The following KIAA1217 variants were observed in gnomAD, a reference collection of about 807,000 sequenced individuals.
KIAA1217 encodes sickle tail protein homolog.
In KIAA1217, 88 loss-of-function variants were observed where a neutral mutation model predicts 163.9. The observed-to-expected ratio is 0.54, with a 90% CI of 0.45 to 0.64. The LOEUF is 0.64. Ranked by LOEUF, KIAA1217 falls within the 30% of genes least tolerant of loss-of-function variation. The pLI is 0.00. For synonymous variants in KIAA1217, 903 were observed against 923.1 expected (o/e 0.98, Z 0.39); for missense variants, 2,372 against 2,475.0 (o/e 0.96, Z 0.88).
At chr10:23,978,911 G>A (rs1845650504) in intron 1 of KIAA1217, among the ~76,000 whole-genome samples, 1 of 152,126 alleles carries the variant, frequency 6.6e-6, no homozygotes, top group Non-Finnish European at 1.5e-5. Flanking sequence ...TGGTGGCTCT[G>A]TCGGTTATGG....
At chr10:24,399,665 A>G (rs2056285056) in intron 3 of KIAA1217, among the ~76,000 whole-genome samples, 2 of 152,196 alleles carry the variant, frequency 1.3e-5, no homozygotes, top group South Asian at 4.1e-4. Context: ...GTATTCCAGC[A>G]TGGAGAGAGT....
chr10:24,047,604 C>T (rs1589292675), intron 2 of KIAA1217, among the ~76,000 whole-genome samples: 1 of 152,136 alleles, frequency 6.6e-6, no homozygotes, highest in Non-Finnish European at 1.5e-5. Context: ...TGTACCCATA[C>T]CAGGAAAACT....
At chr10:23,719,401 C>T (rs1237581397) in intron 1 of KIAA1217, among the ~76,000 whole-genome samples, 7 of 152,074 alleles carry the variant, frequency 4.6e-5, no homozygotes, top group Admixed American at 2.0e-4. Flanking sequence ...GGCAACATAG[C>T]GACACGCTAT....
chr10:24,006,109 T>C (rs1305933150), intron 1 of KIAA1217, among the ~76,000 whole-genome samples: 1 of 152,178 alleles, frequency 6.6e-6, no homozygotes, highest in African/African-American at 2.4e-5. Flanking sequence ...AGTATGACAA[T>C]ATTCATAACT....
intron 1 of KIAA1217, among the ~76,000 whole-genome samples, chr10:23,835,490 A>C (rs1036388515): frequency 1.1e-4 from 17 of 152,126 alleles, no homozygotes; most frequent in Admixed American, 8.5e-4. Context: ...CTGTGACCTG[A>C]GGCATTGATG....
chr10:24,236,393 G>A (rs1173237837), intron 2 of KIAA1217, among the ~76,000 whole-genome samples: 1 of 152,094 alleles, frequency 6.6e-6, no homozygotes, highest in Non-Finnish European at 1.5e-5. Context: ...TGGGAATAAA[G>A]GCATGTGCCA....
chr10:23,765,187 CTTT>C (rs67342339), intron 1 of KIAA1217, among the ~76,000 whole-genome samples: 29 of 75,360 alleles, frequency 3.8e-4, no homozygotes, highest in African/African-American at 1.5e-3. Flanking sequence ...TTTTTGTTCT[CTTT>C]TTTTTTTTTT....
rs1491275019 is a variant in KIAA1217, at chr10:23,817,959, GCA to G, written c.-321+122728_-321+122729del. Among the ~76,000 whole-genome samples the G allele has an allele frequency of 4.9e-5, 3 of 61,000 alleles. No individual in the cohort carries two copies. In the East Asian group the frequency reaches 1.6e-3, roughly 32 times the overall value. 40.0% of individuals were successfully genotyped at this position (61,000 alleles called of 152,430 possible). ...TAAAAAATTATAGCTTGGTGTGGTG[GCA>G]CATATATATATATATATATATATAT... is the stretch of plus-strand genomic sequence containing the variant. On this transcript the variant is annotated intron_variant, in intron 1 of 18. Transcript: ENST00000376462.
chr10:24,416,607 A>G (rs2058271413), intron 3 of KIAA1217, among the ~76,000 whole-genome samples: 1 of 152,164 alleles, frequency 6.6e-6, no homozygotes, highest in South Asian at 2.1e-4. Flanking sequence ...ACTTTGACAA[A>G]TTTACCTTCA....
chr10:24,254,480 C>T (rs961601314), intron 2 of KIAA1217, among the ~76,000 whole-genome samples: 1 of 152,170 alleles, frequency 6.6e-6, no homozygotes, highest in Admixed American at 6.5e-5. Context: ...GGGTTGGGGG[C>T]TGCAGGCCAT....
chr10:24,340,266 C>T (rs7919534), intron 2 of KIAA1217, among the ~76,000 whole-genome samples: 55,376 of 151,996 alleles, frequency 0.36, 11,028 homozygotes, highest in Non-Finnish European at 0.45. Context: ...TCCCATGTGT[C>T]GTGGGAAGAA....
chr10:24,441,631 C>G (rs2060503740), intron 5 of KIAA1217, among the ~76,000 whole-genome samples: 1 of 152,102 alleles, frequency 6.6e-6, no homozygotes, highest in South Asian at 2.1e-4. Flanking sequence ...ACTTGTGGTT[C>G]TCGGCTGGAA....
At chr10:24,315,680 A>T (rs2043258775) in intron 2 of KIAA1217, among the ~76,000 whole-genome samples, 1 of 152,052 alleles carries the variant, frequency 6.6e-6, no homozygotes, top group Non-Finnish European at 1.5e-5. Flanking sequence ...AGGAGGATCG[A>T]AGTCAAGGCT....
At chr10:23,977,619 AC>A (rs1392150011) in intron 1 of KIAA1217, among the ~76,000 whole-genome samples, 2 of 152,092 alleles carry the variant, frequency 1.3e-5, no homozygotes, top group Admixed American at 6.5e-5. Flanking sequence ...AAGAAAATCT[AC>A]TCTGTTTTTA....
At chr10:24,495,027 C>G in intron 7 of KIAA1217, 120 bp from the exon 8 acceptor site, 1 of 788,948 alleles carries the variant, frequency 1.3e-6, no homozygotes, top group Non-Finnish European at 2.0e-6. Context: ...TGCTAAAATA[C>G]CTTCATTGCT....
chr10:24,320,878 C>T (rs2133288416), intron 2 of KIAA1217, among the ~76,000 whole-genome samples: 1 of 152,020 alleles, frequency 6.6e-6, no homozygotes, highest in East Asian at 1.9e-4. Context: ...CCTGTCTCTA[C>T]TAAAAATACA....
intron 1 of KIAA1217, among the ~76,000 whole-genome samples, chr10:23,975,969 A>G (rs1466678679): frequency 6.6e-6 from 1 of 152,126 alleles, no homozygotes; most frequent in East Asian, 1.9e-4. Context: ...TCACTAGTCT[A>G]TGTAGGGACT....
At chr10:23,869,622 C>T (rs1431233467) in intron 1 of KIAA1217, among the ~76,000 whole-genome samples, 8 of 152,056 alleles carry the variant, frequency 5.3e-5, no homozygotes, top group Non-Finnish European at 8.8e-5. Flanking sequence ...ACAGTTGTAA[C>T]GCAGATAAGT....
intron 1 of KIAA1217, among the ~76,000 whole-genome samples, chr10:23,927,083 T>C (rs1003231262): frequency 2.0e-5 from 3 of 151,632 alleles, no homozygotes; most frequent in African/African-American, 7.3e-5. Context: ...AATTTTTGTA[T>C]TTTTTGTAGA....
Sources: allele counts gnomAD v4.1 joint callset (sites outside exome capture counted in the v4.1 genomes callset), GRCh38; gene constraint gnomAD v4.1.1; transcripts MANE v1.5; gene names NCBI Gene and HGNC (gene_info 2026-07-23, HGNC 2026-07-21).